Variants in POU6F2 observed in about 807,000 individuals in gnomAD.
The protein encoded by POU6F2 is POU class 6 homeobox 2.
In POU6F2, 31 loss-of-function variants were observed where a neutral mutation model predicts 71.3. The ratio of observed to expected loss-of-function variants is 0.43; its 90% CI spans 0.33 to 0.59. The LOEUF (loss-of-function observed/expected upper bound fraction) is 0.59, where lower values mean the gene tolerates loss of function less well. Among genes scored for constraint, POU6F2 ranks in the 20% least tolerant of loss-of-function variants. The probability of loss-of-function intolerance (pLI) is 0.04; values close to 1 mark genes in which losing one functional copy is unlikely to be tolerated. For missense variants in POU6F2, 783 were observed against 856.8 expected (o/e 0.91, Z 1.07); for synonymous variants, 347 against 355.7 (o/e 0.98, Z 0.27).
At chr7:39,122,704 A>ATTT (rs1199309217) in intron 2 of POU6F2, among the ~76,000 whole-genome samples, 11 of 117,142 alleles carry the variant, frequency 9.4e-5, no homozygotes, top group African/African-American at 2.3e-4. Flanking sequence ...ATGCATGCCT[A>ATTT]TTTTTTTTTT....
chr7:39,176,864 G>A (rs1793341049), intron 2 of POU6F2, among the ~76,000 whole-genome samples: 1 of 152,136 alleles, frequency 6.6e-6, no homozygotes. Flanking sequence ...TTAAAAACTA[G>A]AAACAAGTTG....
Position 39,085,930 on chromosome 7 carries a change from G to C in POU6F2, c.176G>C (p.Arg59Thr), listed in dbSNP as rs1420668939. The C allele has an allele frequency of 6.2e-7, 1 of 1,613,622 alleles. No individual in the cohort carries two copies. ...SVRSEMNAEL[R>T]GEDKAATSDS... Reference sequence around the variant, plus strand: ...CGGAGTGAAATGAATGCGGAGTTGAGAGGTGAGGACAAGGCTGCTACTTCA... The same window carrying C: ...CGGAGTGAAATGAATGCGGAGTTGACAGGTGAGGACAAGGCTGCTACTTCA... Residue 59 changes from arginine to threonine, a missense_variant, in exon 2 of 10, where the codon AGA becomes ACA. Around this residue, in one of 2 missense-constraint regions of POU6F2, gnomAD observed 572 missense variants for 572.9 expected, o/e 1.00. Coordinates refer to ENST00000518318, the MANE Select transcript of POU6F2 (RefSeq NM_001370959.1).
rs1784181554 is a variant in POU6F2, at chr7:39,263,588, T to C, written c.598+55968T>C. ...TAGAAAAAGTCAAAAGAGGATATTATAATTTGTATTGGCTTTTGTGTTGTG... is the reference window on the plus strand; with the variant it reads ...TAGAAAAAGTCAAAAGAGGATATTACAATTTGTATTGGCTTTTGTGTTGTG... On this transcript the variant is annotated intron_variant, in intron 4 of 9. Transcript: ENST00000518318. 2.6e-5 allele frequency among the ~76,000 whole-genome samples: 4 copies of C among 152,260 alleles called. 1 individual carries two copies. In the South Asian group the frequency reaches 8.3e-4, roughly 31 times the overall value.
intron 1 of POU6F2, chr7:39,083,527 C>T (rs943657585): frequency 2.6e-5 from 3 of 115,080 alleles, no homozygotes; most frequent in African/African-American, 3.3e-5. Context: ...TGAATCAGAA[C>T]TCGAACATGC....
chr7:39,315,613 G>A (rs1473429359), intron 4 of POU6F2, among the ~76,000 whole-genome samples: 1 of 152,194 alleles, frequency 6.6e-6, no homozygotes, highest in East Asian at 1.9e-4. Flanking sequence ...CTAGAGCAGG[G>A]CAGCTCTGCT....
intron 4 of POU6F2, among the ~76,000 whole-genome samples, chr7:39,290,468 C>T (rs974309478): frequency 1.3e-5 from 2 of 152,188 alleles, no homozygotes; most frequent in African/African-American, 4.8e-5. Flanking sequence ...GGCTATATTC[C>T]TTTTAATCAA....
chr7:39,196,264 C>T (rs765249146), intron 2 of POU6F2, among the ~76,000 whole-genome samples: 58 of 152,256 alleles, frequency 3.8e-4, no homozygotes, highest in Non-Finnish European at 6.8e-4. Context: ...AGAATTCATA[C>T]CTTGTCTCTC....
chr7:39,258,519 A>G (rs908301870), intron 4 of POU6F2, among the ~76,000 whole-genome samples: 2 of 151,924 alleles, frequency 1.3e-5, no homozygotes, highest in African/African-American at 4.8e-5. Context: ...TAATCAACCC[A>G]CCTTTTTCCT....
intron 4 of POU6F2, among the ~76,000 whole-genome samples, chr7:39,252,383 TACAG>T (rs200896239): frequency 1.2e-4 from 17 of 140,272 alleles, no homozygotes; most frequent in South Asian, 7.5e-4. Flanking sequence ...CACACACACA[TACAG>T]ACAGACAGAC....
chr7:39,405,339 G>C (rs1195256566), intron 5 of POU6F2, among the ~76,000 whole-genome samples: 1 of 152,204 alleles, frequency 6.6e-6, no homozygotes, highest in Admixed American at 6.5e-5. Flanking sequence ...AAGGAAAAGA[G>C]AGAGAGAGAA....
At chr7:39,068,956 T>C (rs1790817751) in intron 1 of POU6F2, among the ~76,000 whole-genome samples, 1 of 152,158 alleles carries the variant, frequency 6.6e-6, no homozygotes, top group Admixed American at 6.5e-5. Flanking sequence ...CGGAAATCTA[T>C]ATTTAACCCC....
At chr7:39,385,070 C>T (rs998492134) in intron 5 of POU6F2, among the ~76,000 whole-genome samples, 6 of 152,190 alleles carry the variant, frequency 3.9e-5, no homozygotes, top group African/African-American at 1.4e-4. Context: ...ACATATAATA[C>T]TCATAAGCAG....
chr7:39,345,106 G>A (rs952657135), intron 5 of POU6F2, among the ~76,000 whole-genome samples: 1 of 152,176 alleles, frequency 6.6e-6, no homozygotes, highest in African/African-American at 2.4e-5. Context: ...ATCAGTAACA[G>A]TATTGAGCCA....
chr7:39,263,424 T>C (rs1784177022), intron 4 of POU6F2, among the ~76,000 whole-genome samples: 1 of 152,262 alleles, frequency 6.6e-6, no homozygotes, highest in African/African-American at 2.4e-5. Context: ...TTATTCTGAA[T>C]GTATTCCTGA....
At chr7:39,432,951 A>T (rs1221614005) in intron 6 of POU6F2, 126 bp from the exon 7 acceptor site, 1 of 857,500 alleles carries the variant, frequency 1.2e-6, no homozygotes. Flanking sequence ...CCCCCTCCAG[A>T]GCTGCTTGCA....
intron 2 of POU6F2, among the ~76,000 whole-genome samples, chr7:39,183,514 A>G (rs1407323500): frequency 1.3e-5 from 2 of 152,140 alleles, no homozygotes; most frequent in Non-Finnish European, 2.9e-5. Flanking sequence ...CTCACTCACC[A>G]TTACAAGAAT....
chr7:38,996,035 CTTT>C (rs5883669), intron 1 of POU6F2, among the ~76,000 whole-genome samples: 5 of 85,364 alleles, frequency 5.9e-5, no homozygotes, highest in East Asian at 4.8e-4. Context: ...AGGGGCTTGG[CTTT>C]TTTTTTTTTT....
chr7:39,226,032 T>C (rs1191950260), intron 4 of POU6F2, among the ~76,000 whole-genome samples: 2 of 152,120 alleles, frequency 1.3e-5, no homozygotes, highest in Non-Finnish European at 2.9e-5. Context: ...GAGAATTCAC[T>C]GAAGCATATG....
At chr7:39,246,099 C>T (rs1783814244) in intron 4 of POU6F2, among the ~76,000 whole-genome samples, 1 of 152,200 alleles carries the variant, frequency 6.6e-6, no homozygotes, top group African/African-American at 2.4e-5. Context: ...CAAGGCTTTT[C>T]TGTCACCTGC....
Sources: gnomAD v4.1 joint callset for allele counts (sites outside exome capture counted in the v4.1 genomes callset) on GRCh38, gnomAD v4.1.1 for gene constraint, gnomAD v4.1.1 regional missense constraint, MANE v1.5 for transcripts, NCBI Gene and HGNC (gene_info 2026-07-23, HGNC 2026-07-21) for gene names.